RBMS3: variants seen among roughly 807,000 people sequenced by gnomAD.
The protein encoded by RBMS3 is RNA-binding motif, single-stranded-interacting protein 3.
Under a neutral mutation model 66.8 loss-of-function variants are expected in RBMS3, and 27 were observed. The observed-to-expected ratio is 0.40, with a 90% CI of 0.30 to 0.56. The LOEUF (loss-of-function observed/expected upper bound fraction) is 0.56. Among genes scored for constraint, RBMS3 ranks in the 20% least tolerant of loss-of-function variants. RBMS3 has a pLI of 0.40. For synonymous variants in RBMS3, 188 were observed against 183.0 expected, an observed-to-expected ratio of 1.03 and a Z score of -0.22; for missense variants, 513 against 549.5, an observed-to-expected ratio of 0.93 and a Z score of 0.66.
At chr3:29,485,134 G>A (rs2043274196) in intron 2 of RBMS3, among the ~76,000 whole-genome samples, 1 of 152,032 alleles carries the variant, frequency 6.6e-6, no homozygotes, top group Non-Finnish European at 1.5e-5. Context: ...GTTTAAATTA[G>A]GCTTGTATGT....
At chr3:29,848,636 T>C (rs1368036971) in intron 6 of RBMS3, among the ~76,000 whole-genome samples, 1 of 152,244 alleles carries the variant, frequency 6.6e-6, no homozygotes, top group East Asian at 1.9e-4. Context: ...TGAATGCCTA[T>C]GGAAACTACA....
At chr3:29,906,849 C>T (rs2060392307) in intron 10 of RBMS3, among the ~76,000 whole-genome samples, 1 of 151,966 alleles carries the variant, frequency 6.6e-6, no homozygotes, top group Non-Finnish European at 1.5e-5. Context: ...ATACAATATA[C>T]CCATTATATA....
intron 1 of RBMS3, among the ~76,000 whole-genome samples, chr3:29,350,810 C>T (rs1396371159): frequency 6.6e-6 from 1 of 151,426 alleles, no homozygotes; most frequent in African/African-American, 2.4e-5. Flanking sequence ...TAATCTACTG[C>T]ACAGATAAGC....
At chr3:29,569,579 G>T (rs1278627865) in intron 3 of RBMS3, among the ~76,000 whole-genome samples, 2 of 151,978 alleles carry the variant, frequency 1.3e-5, no homozygotes, top group East Asian at 1.9e-4. Flanking sequence ...CTTTGAGATG[G>T]ATCCAACTTA....
intron 2 of RBMS3, among the ~76,000 whole-genome samples, chr3:29,451,952 A>G (rs1946825): frequency 0.41 from 61,604 of 151,984 alleles, 12,784 homozygotes; most frequent in East Asian, 0.63. Flanking sequence ...TTTCCCCTGA[A>G]AAGAGGAGGA....
At chr3:29,358,345 C>T (rs1354346992) in intron 1 of RBMS3, among the ~76,000 whole-genome samples, 1 of 152,124 alleles carries the variant, frequency 6.6e-6, no homozygotes. Flanking sequence ...TGTTAAAGAT[C>T]AGATAGTTGT....
chr3:29,586,206 T>A (rs75961993), intron 3 of RBMS3, among the ~76,000 whole-genome samples: 4,445 of 152,188 alleles, frequency 0.029, 108 homozygotes, highest in Middle Eastern at 0.14. Flanking sequence ...TACTCACTCT[T>A]GAGCATTTAT....
At chr3:29,571,552 T>G (rs918116452) in intron 3 of RBMS3, among the ~76,000 whole-genome samples, 10 of 152,146 alleles carry the variant, frequency 6.6e-5, no homozygotes, top group Non-Finnish European at 1.2e-4. Flanking sequence ...AATGTGTGGC[T>G]TTGGCACCTT....
Position 29,470,356 on chromosome 3 carries a change from A to C in RBMS3, c.249-18085A>C, listed in dbSNP as rs533389521. ...TCTTCAGAAGTCAAAGACTCAAAAGAAGTCTTCAGAAGACATGTCACTTCT... is the reference window on the plus strand; with the variant it reads ...TCTTCAGAAGTCAAAGACTCAAAAGCAGTCTTCAGAAGACATGTCACTTCT... On this transcript the variant is annotated intron_variant, in intron 2 of 14. Coordinates refer to ENST00000383767, the MANE Select transcript of RBMS3 (RefSeq NM_001003793.3). Among the ~76,000 whole-genome samples the C allele has an allele frequency of 4.1e-4, 63 of 152,174 alleles. 1 individual carries two copies. Among genetic ancestry groups the C allele is most frequent in the Non-Finnish European group, 8.0e-4 (54 of 67,892 alleles).
chr3:29,980,749 TG>T (rs1306797533), intron 12 of RBMS3, among the ~76,000 whole-genome samples: 2 of 151,886 alleles, frequency 1.3e-5, no homozygotes, highest in African/African-American at 2.4e-5. Context: ...TGTAGATGTA[TG>T]GCATATTTCT....
chr3:29,843,008 A>G (rs182990572), intron 6 of RBMS3, among the ~76,000 whole-genome samples: 2,417 of 152,320 alleles, frequency 0.016, 52 homozygotes, highest in African/African-American at 0.054. Flanking sequence ...ATTTGTTACA[A>G]CAGCCATAGG....
intron 14 of RBMS3, among the ~76,000 whole-genome samples, chr3:30,001,197 A>G (rs1699593729): frequency 6.6e-6 from 1 of 152,060 alleles, no homozygotes; most frequent in Non-Finnish European, 1.5e-5. Context: ...TTTACCTGTG[A>G]GTAATCCAGT....
In RBMS3 at chr3:29,522,077, C is replaced by T. The variant is rs116404731; in HGVS notation, c.307+33578C>T. ...GCGTTTAGTTAGGAAAATGGAAACA[C>T]ATCTAGGCAGTTTATGAAGAAGATT... On this transcript the variant is annotated intron_variant, in intron 3 of 14. Transcript: ENST00000383767. Among the ~76,000 whole-genome samples, 888 of 152,274 alleles carry T rather than the reference C, an allele frequency of 5.8e-3. 10 individuals carry two copies. Among genetic ancestry groups the T allele is most frequent in the African/African-American group, 0.021 (852 of 41,558 alleles).
chr3:29,462,721 C>T (rs2042411430), intron 2 of RBMS3, among the ~76,000 whole-genome samples: 1 of 152,210 alleles, frequency 6.6e-6, no homozygotes, highest in Admixed American at 6.5e-5. Context: ...AGATTGCTAC[C>T]ACAGCTGAGT....
intron 12 of RBMS3, among the ~76,000 whole-genome samples, chr3:29,963,412 C>A (rs1243576401): frequency 6.6e-6 from 1 of 152,162 alleles, no homozygotes; most frequent in Non-Finnish European, 1.5e-5. Context: ...TAAAGGATTC[C>A]TCTCAGTCTT....
chr3:29,752,970 A>G (rs990759313), intron 5 of RBMS3, among the ~76,000 whole-genome samples: 5 of 152,218 alleles, frequency 3.3e-5, no homozygotes, highest in African/African-American at 1.2e-4. Context: ...AAAAGTTTCT[A>G]GTAGCTTAGG....
chr3:29,358,263 T>C (rs569897208), intron 1 of RBMS3, among the ~76,000 whole-genome samples: 4 of 152,366 alleles, frequency 2.6e-5, no homozygotes, highest in South Asian at 2.1e-4. Context: ...TTTCTACTTA[T>C]GGCTAGCCAG....
chr3:29,521,324 G>T (rs775326184), intron 3 of RBMS3, among the ~76,000 whole-genome samples: 5 of 152,050 alleles, frequency 3.3e-5, no homozygotes, highest in Non-Finnish European at 7.4e-5. Context: ...ATCATTACTT[G>T]TTACTTAATA....
At chr3:29,825,775 A>G (rs1410168995) in intron 6 of RBMS3, among the ~76,000 whole-genome samples, 1 of 152,186 alleles carries the variant, frequency 6.6e-6, no homozygotes, top group Admixed American at 6.5e-5. Flanking sequence ...CCCAAAATTC[A>G]AATCCCAGCT....
Sources: gnomAD v4.1 joint callset for allele counts (sites outside exome capture counted in the v4.1 genomes callset) on GRCh38, gnomAD v4.1.1 for gene constraint, MANE v1.5 for transcripts, NCBI Gene and HGNC (gene_info 2026-07-23, HGNC 2026-07-21) for gene names.